Variants in MAGI2 observed in about 807,000 individuals in gnomAD.
MAGI2 encodes membrane associated guanylate kinase, WW and PDZ domain containing 2.
Under a neutral mutation model 133.3 loss-of-function variants are expected in MAGI2, and 35 were observed. The observed-to-expected ratio is 0.26, with a 90% CI of 0.20 to 0.35. The LOEUF is 0.35. MAGI2 is among the 10% of genes least tolerant of loss of function. The probability of loss-of-function intolerance (pLI) is 1.00; values close to 1 mark genes in which losing one functional copy is unlikely to be tolerated. For synonymous variants in MAGI2, 729 were observed against 710.6 expected, an observed-to-expected ratio of 1.03 and a Z score of -0.41; for missense variants, 1,636 against 1,863.4, an observed-to-expected ratio of 0.88 and a Z score of 2.25.
rs184398987 is a variant in MAGI2, at chr7:78,536,843, T to C, written c.539-15198A>G. Among the ~76,000 whole-genome samples the C allele has an allele frequency of 4.0e-3, 592 of 148,960 alleles. 3 individuals carry two copies. The highest frequency in any genetic ancestry group is 0.011 in the Admixed American group (169 of 14,778). On this transcript the variant is annotated intron_variant, in intron 3 of 21. Coordinates refer to ENST00000354212, the MANE Select transcript of MAGI2 (RefSeq NM_012301.4). The stretch of plus-strand genomic sequence containing the variant: ...TGGCGCGATCTTGGCTTGCTGGGAA[T>C]AGGTAGTGTTTGGTTACGTGGATAA...
At chr7:79,327,298 T>C (rs1196767631) in intron 1 of MAGI2, among the ~76,000 whole-genome samples, 1 of 152,156 alleles carries the variant, frequency 6.6e-6, no homozygotes, top group Non-Finnish European at 1.5e-5. Flanking sequence ...CAGGTATGAA[T>C]ATGGGTAGCA....
At chr7:78,913,318 A>G (rs1249649192) in intron 2 of MAGI2, among the ~76,000 whole-genome samples, 1 of 152,046 alleles carries the variant, frequency 6.6e-6, no homozygotes, top group African/African-American at 2.4e-5. Flanking sequence ...TAGTAAGTGC[A>G]TTCTCCTGAA....
intron 2 of MAGI2, among the ~76,000 whole-genome samples, chr7:78,820,938 T>A (rs1000834603): frequency 5.0e-4 from 76 of 152,036 alleles, no homozygotes; most frequent in African/African-American, 1.7e-3. Flanking sequence ...GATAAATTTT[T>A]AATTGGGATA....
chr7:78,587,936 A>G (rs1369144545), intron 3 of MAGI2, among the ~76,000 whole-genome samples: 2 of 152,216 alleles, frequency 1.3e-5, no homozygotes, highest in Non-Finnish European at 2.9e-5. Context: ...TACAAGATGG[A>G]TGTCTTGAAG....
chr7:78,152,453 G>A (rs1823976282), intron 16 of MAGI2, among the ~76,000 whole-genome samples: 2 of 152,166 alleles, frequency 1.3e-5, no homozygotes, highest in Admixed American at 1.3e-4. Flanking sequence ...CTTGGTACAG[G>A]AGGACTGGAT....
intron 2 of MAGI2, among the ~76,000 whole-genome samples, chr7:78,927,702 G>A (rs1397885365): frequency 2.0e-5 from 3 of 151,544 alleles, no homozygotes; most frequent in Non-Finnish European, 4.4e-5. Flanking sequence ...AAAATCTTTT[G>A]AGTAACTTGA....
In MAGI2 at chr7:79,241,984, C is replaced by G. The variant is rs146128071; in HGVS notation, c.301+211036G>C. ...TTCCCTAGCCCCACTGCCTGCCAAC[C>G]CTAGCCTGTGAGTTCTCAGGGAGGC... On this transcript the variant is annotated intron_variant, in intron 1 of 21. Transcript: ENST00000354212. Among the ~76,000 whole-genome samples, 57 of 152,260 alleles carry G rather than the reference C, an allele frequency of 3.7e-4. No individual in the cohort carries two copies. The East Asian group carries it at 0.011, about 28-fold the overall frequency.
chr7:78,167,947 G>A lies in MAGI2; in HGVS notation c.2565C>T (p.Asn855=). ...MHHAARNGQV[N]LTVRRKVLCG... is the part of the protein sequence containing the mutation. Reference sequence around the variant, plus strand: ...ATAGCACCTTTCTTCTCACAGTGAGGTTGACCTGCCCATTGCGGGCTGCGT... The same window carrying A: ...ATAGCACCTTTCTTCTCACAGTGAGATTGACCTGCCCATTGCGGGCTGCGT... The change falls in exon 15 of 22, where the codon AAC becomes AAT. Residue 855 remains asparagine, a synonymous_variant. Coordinates refer to ENST00000354212, the MANE Select transcript of MAGI2 (RefSeq NM_012301.4). 6.2e-7 allele frequency: 1 copy of A among 1,614,120 alleles called. No homozygotes were observed. Among genetic ancestry groups the A allele is most frequent in the Non-Finnish European group, 8.5e-7 (1 of 1,180,004 alleles).
At chr7:79,357,357 C>G (rs1842088900) in intron 1 of MAGI2, among the ~76,000 whole-genome samples, 1 of 152,188 alleles carries the variant, frequency 6.6e-6, no homozygotes, top group Non-Finnish European at 1.5e-5. Flanking sequence ...GCAGAGTAAG[C>G]TGCCAACTCA....
intron 1 of MAGI2, among the ~76,000 whole-genome samples, chr7:79,271,444 C>G (rs1045858452): frequency 7.2e-5 from 11 of 152,066 alleles, no homozygotes; most frequent in Non-Finnish European, 1.5e-4. Context: ...CTGACACATA[C>G]TAAATAATTG....
rs13308099 is a variant in MAGI2 at position 78,070,598 on chromosome 7, A to T, written c.3706+8349T>A. Among the ~76,000 whole-genome samples the T allele has an allele frequency of 4.4e-4, 58 of 132,010 alleles. 1 individual carries two copies. In the South Asian group the frequency reaches 0.014, roughly 32 times the overall value. 86.6% of individuals were successfully genotyped at this position (132,010 alleles called of 152,430 possible). A position where few individuals can be genotyped will look rare whatever the true frequency, so the allele number is the denominator to read the frequency against. ...TGTATATATGTGTATATATATGTGT[A>T]TATATGTGTATATATATATGTGTGT... On this transcript the variant is annotated intron_variant, in intron 21 of 21. Coordinates refer to ENST00000354212, the MANE Select transcript of MAGI2 (RefSeq NM_012301.4).
At chr7:79,399,145 A>G (rs1310275381) in intron 1 of MAGI2, among the ~76,000 whole-genome samples, 1 of 132,680 alleles carries the variant, frequency 7.5e-6, no homozygotes, top group Admixed American at 8.2e-5. Flanking sequence ...CCCAGACTGG[A>G]GTGCAGAGGC....
At chr7:78,297,829 TGGGGTGGGGGGAGGGGGAGG>T (rs1438672946) in intron 9 of MAGI2, among the ~76,000 whole-genome samples, 1 of 62,854 alleles carries the variant, frequency 1.6e-5, no homozygotes, top group Non-Finnish European at 3.2e-5. Context: ...GGGACTGTTG[TGGGGTGGGGGGAGGGGGAGG>T]GGGGAGGGAT....
intron 6 of MAGI2, among the ~76,000 whole-genome samples, chr7:78,419,822 C>A (rs939734264): frequency 5.3e-5 from 8 of 151,996 alleles, no homozygotes; most frequent in African/African-American, 1.7e-4. Context: ...ATGGGACACT[C>A]AAGTAGCACA....
At chr7:78,263,181 G>A (rs1425076284) in intron 9 of MAGI2, among the ~76,000 whole-genome samples, 1 of 152,076 alleles carries the variant, frequency 6.6e-6, no homozygotes, top group Non-Finnish European at 1.5e-5. Flanking sequence ...GTATTCCATG[G>A]CATTATATGT....
rs555027134 is a variant in MAGI2, at chr7:78,699,680, G to A, written c.419-72441C>T. 5.9e-4 allele frequency among the ~76,000 whole-genome samples: 90 copies of A among 152,096 alleles called. No individual in the cohort carries two copies. The Middle Eastern group carries it at 0.017, about 29-fold the overall frequency. ...ATTTTGTATTTTCCTACTTTACTTG[G>A]CAATTGTGTAACAAGGTTCCTCATA... On this transcript the variant is annotated intron_variant, in intron 2 of 21. Transcript: ENST00000354212.
intron 3 of MAGI2, among the ~76,000 whole-genome samples, chr7:78,552,484 T>C (rs1384205122): frequency 6.6e-6 from 1 of 152,142 alleles, no homozygotes; most frequent in Non-Finnish European, 1.5e-5. Flanking sequence ...CGCCCGACTA[T>C]TTTCCTTTTA....
intron 1 of MAGI2, among the ~76,000 whole-genome samples, chr7:79,256,152 T>C (rs1833661864): frequency 6.6e-6 from 1 of 152,232 alleles, no homozygotes; most frequent in African/African-American, 2.4e-5. Flanking sequence ...CTCCCATTTA[T>C]ACTACTCTCA....
intron 6 of MAGI2, among the ~76,000 whole-genome samples, chr7:78,461,413 T>C (rs1354296917): frequency 2.0e-5 from 3 of 151,908 alleles, no homozygotes; most frequent in East Asian, 3.9e-4. Context: ...TGTGTGTGTG[T>C]GTGTGTGTGT....
Sources: gnomAD v4.1 joint callset for allele counts (sites outside exome capture counted in the v4.1 genomes callset) on GRCh38, gnomAD v4.1.1 for gene constraint, MANE v1.5 for transcripts, NCBI Gene and HGNC (gene_info 2026-07-23, HGNC 2026-07-21) for gene names.